CLPB: variants seen among roughly 807,000 people sequenced by gnomAD.
The protein encoded by CLPB is mitochondrial disaggregase.
In CLPB, 40 loss-of-function variants were observed where a neutral mutation model predicts 78.4. The ratio of observed to expected loss-of-function variants is 0.51; its 90% CI spans 0.40 to 0.66. The LOEUF is 0.66. CLPB is among the 30% of genes least tolerant of loss of function. CLPB has a pLI of 0.00. For missense variants in CLPB, 780 were observed against 886.9 expected (o/e 0.88, Z 1.53); for synonymous variants, 333 against 348.0 (o/e 0.96, Z 0.48).
chr11:72,309,537 C>G (rs940750195), intron 7 of CLPB, among the ~76,000 whole-genome samples: 11 of 152,130 alleles, frequency 7.2e-5, no homozygotes, highest in African/African-American at 2.7e-4. Flanking sequence ...CACACAAATA[C>G]CCGGAGAGGA....
chr11:72,359,301 G>C lies in CLPB; in HGVS notation c.647-293C>G, dbSNP rs149884238. 7.0e-5 allele frequency: 36 copies of C among 510,776 alleles called. No homozygotes were observed. The East Asian group carries it at 1.6e-3, about 22-fold the overall frequency. 31.6% of individuals were successfully genotyped at this position (510,776 alleles called of 1,614,324 possible). ...TGACAAGGGAGGCAGACAATAACCA[G>C]ATGTTTATAGAACTGTTTGAGATAA... On this transcript the variant is annotated intron_variant, in intron 4 of 15. Coordinates refer to ENST00000538039, the MANE Select transcript of CLPB (RefSeq NM_001258392.3).
At chr11:72,327,420 AGGGTCTGACT>A (rs1950151018) in intron 6 of CLPB, among the ~76,000 whole-genome samples, 1 of 152,196 alleles carries the variant, frequency 6.6e-6, no homozygotes, top group South Asian at 2.1e-4. Context: ...ATGCTCCAGA[AGGGTCTGACT>A]GGCACAGGGG....
At chr11:72,319,590 C>A (rs1950008136) in intron 6 of CLPB, among the ~76,000 whole-genome samples, 2 of 152,180 alleles carry the variant, frequency 1.3e-5, no homozygotes, top group African/African-American at 4.8e-5. Flanking sequence ...AGCTAGCTGA[C>A]CTTGGGGAAG....
intron 5 of CLPB, among the ~76,000 whole-genome samples, chr11:72,347,187 G>A (rs971365890): frequency 3.3e-5 from 5 of 152,130 alleles, no homozygotes; most frequent in African/African-American, 4.8e-5. Context: ...AAAAACCAGC[G>A]ATGGGTGCTA....
intron 2 of CLPB, among the ~76,000 whole-genome samples, chr11:72,423,589 C>T (rs1856273502): frequency 6.6e-6 from 1 of 152,222 alleles, no homozygotes; most frequent in Non-Finnish European, 1.5e-5. Flanking sequence ...GCATCCAACA[C>T]AGATCTCTAC....
intron 6 of CLPB, among the ~76,000 whole-genome samples, chr11:72,323,941 GA>G (rs1231877059): frequency 6.6e-6 from 1 of 151,304 alleles, no homozygotes; most frequent in African/African-American, 2.4e-5. Context: ...AAATCATTGA[GA>G]AAAAAATTAT....
At chr11:72,329,873 G>T in intron 5 of CLPB, 69 bp from the exon 6 acceptor site, 2 of 1,241,918 alleles carry the variant, frequency 1.6e-6, no homozygotes, top group Non-Finnish European at 2.3e-6. Context: ...TCCCTTGGAG[G>T]TGGCTTAAGG....
At chr11:72,298,467 T>G (rs1018404339) in intron 11 of CLPB, among the ~76,000 whole-genome samples, 1 of 152,178 alleles carries the variant, frequency 6.6e-6, no homozygotes, top group Non-Finnish European at 1.5e-5. Context: ...CAGCGCCTCA[T>G]GAATAAATGA....
At chr11:72,431,222 G>C (rs1856537059) in intron 1 of CLPB, among the ~76,000 whole-genome samples, 1 of 152,196 alleles carries the variant, frequency 6.6e-6, no homozygotes, top group Non-Finnish European at 1.5e-5. Context: ...CAACAGGAGA[G>C]GCACAATCTT....
intron 3 of CLPB, among the ~76,000 whole-genome samples, chr11:72,388,470 C>G (rs1855150547): frequency 6.6e-6 from 1 of 152,094 alleles, no homozygotes; most frequent in South Asian, 2.1e-4. Context: ...CCAGGATGGT[C>G]TCGATCTCCT....
chr11:72,418,728 A>G (rs1179905846), intron 2 of CLPB, among the ~76,000 whole-genome samples: 3 of 151,820 alleles, frequency 2.0e-5, no homozygotes, highest in African/African-American at 7.3e-5. Context: ...GGTGGCACAC[A>G]CCTGTAATCC....
intron 5 of CLPB, among the ~76,000 whole-genome samples, chr11:72,351,663 TC>T: frequency 6.6e-6 from 1 of 152,114 alleles, no homozygotes; most frequent in East Asian, 1.9e-4. Flanking sequence ...CCTCCACCTC[TC>T]AGGTTCAAGT....
intron 11 of CLPB, among the ~76,000 whole-genome samples, chr11:72,296,531 G>A (rs1183475744): frequency 6.6e-6 from 1 of 152,226 alleles, no homozygotes; most frequent in Middle Eastern, 3.2e-3. Flanking sequence ...CGCTCACTCA[G>A]CGAACCTCAA....
intron 2 of CLPB, among the ~76,000 whole-genome samples, chr11:72,428,146 C>T (rs565563833): frequency 5.6e-4 from 86 of 152,296 alleles, no homozygotes; most frequent in Admixed American, 1.0e-3. Flanking sequence ...ATCTGCAGTG[C>T]CCAGCAGAGG....
intron 5 of CLPB, among the ~76,000 whole-genome samples, chr11:72,356,679 G>A (rs1480380343): frequency 2.0e-5 from 3 of 152,230 alleles, no homozygotes; most frequent in Non-Finnish European, 4.4e-5. Flanking sequence ...CAAGTCAACA[G>A]GCAGGAACCA....
In CLPB at chr11:72,317,121, C is replaced by T. The variant is rs149408757; in HGVS notation, c.973G>A (p.Ala325Thr). 13 of 1,610,164 alleles carry T rather than the reference C, an allele frequency of 8.1e-6. No individual in the cohort carries two copies. The highest frequency in any genetic ancestry group is 2.2e-5 in the East Asian group (1 of 44,738). Residue 325 changes from alanine (A) to threonine (T), a missense_variant, in exon 7 of 16, where the codon GCC becomes ACC. This residue lies in a region of CLPB where 91 missense variants were observed against 168.2 expected (regional missense o/e 0.54). Transcript: ENST00000538039. ...ACACACTCACCAGCACCCACTGTGGCGATGGCGCTCTCCTGGCCAATGATG... is the reference window on the plus strand; with the variant it reads ...ACACACTCACCAGCACCCACTGTGGTGATGGCGCTCTCCTGGCCAATGATG... ...EHIIGQESAI[A>T]TVGAAIRRKE...
In CLPB at chr11:72,291,351, A is replaced by G. The variant is rs1343320950; in HGVS notation, c.*2016T>C. ...GAGACGGAGTCTCACTCTGTCGCCC[A>G]GGCTGGAGTGCAGTGGCGTGATTTC... On this transcript the variant is annotated 3_prime_UTR_variant, in exon 16 of 16. Transcript: ENST00000538039. 3.9e-5 allele frequency: 6 copies of G among 152,256 alleles called. No individual in the cohort carries two copies. Among genetic ancestry groups the G allele is most frequent in the Admixed American group, 3.9e-4 (6 of 15,290 alleles). The allele number at this position is 152,256 out of a possible 1,614,324, so 9.4% of individuals were successfully genotyped here. A position where few individuals can be genotyped will look rare whatever the true frequency, so the allele number is the denominator to read the frequency against.
chr11:72,404,954 T>G (rs866314412), intron 2 of CLPB, among the ~76,000 whole-genome samples: 1 of 152,210 alleles, frequency 6.6e-6, no homozygotes, highest in African/African-American at 2.4e-5. Flanking sequence ...GAACCCTGTC[T>G]AATTTACAAA....
At chr11:72,384,601 G>A (rs1855021725) in intron 3 of CLPB, among the ~76,000 whole-genome samples, 1 of 152,150 alleles carries the variant, frequency 6.6e-6, no homozygotes, top group Non-Finnish European at 1.5e-5. Flanking sequence ...TGCCTTGAAT[G>A]TAAATGGATT....
Sources: gnomAD v4.1 joint callset for allele counts (sites outside exome capture counted in the v4.1 genomes callset) on GRCh38, gnomAD v4.1.1 for gene constraint, gnomAD v4.1.1 regional missense constraint, MANE v1.5 for transcripts, NCBI Gene and HGNC (gene_info 2026-07-23, HGNC 2026-07-21) for gene names.